The following RAD51B variants were observed in gnomAD, a reference collection of about 807,000 sequenced individuals.
RAD51B encodes DNA repair protein RAD51 homolog 2.
Under a neutral mutation model 42.2 loss-of-function variants are expected in RAD51B, and 38 were observed. The observed-to-expected ratio is 0.90, with a 90% confidence interval of 0.70 to 1.18. The LOEUF is 1.18. Ranked by LOEUF, RAD51B falls within the 50% of genes most tolerant of loss-of-function variation. The pLI is 0.00. For synonymous variants in RAD51B, 154 were observed against 145.2 expected (o/e 1.06, Z -0.43); for missense variants, 373 against 400.7 (o/e 0.93, Z 0.59).
At chr14:68,042,217 T>G (rs2076229304) in intron 7 of RAD51B, among the ~76,000 whole-genome samples, 1 of 152,174 alleles carries the variant, frequency 6.6e-6, no homozygotes, top group African/African-American at 2.4e-5. Context: ...GTTTATTCAG[T>G]CTCCAAGATG....
intron 7 of RAD51B, among the ~76,000 whole-genome samples, chr14:67,995,568 C>CG (rs570760176): frequency 3.9e-5 from 6 of 152,106 alleles, no homozygotes; most frequent in African/African-American, 1.4e-4. Context: ...TTTTTTCCCC[C>CG]CTCTGAATAC....
chr14:68,264,651 C>T (rs2080953951), intron 7 of RAD51B, among the ~76,000 whole-genome samples: 1 of 152,026 alleles, frequency 6.6e-6, no homozygotes, highest in South Asian at 2.1e-4. Context: ...TTTATGGAGC[C>T]TTGAGATAGT....
chr14:68,066,195 G>A (rs1023832842), intron 7 of RAD51B, among the ~76,000 whole-genome samples: 5 of 151,748 alleles, frequency 3.3e-5, no homozygotes, highest in South Asian at 2.1e-4. Context: ...AAACACTTAC[G>A]TTGTAATAGT....
intron 4 of RAD51B, among the ~76,000 whole-genome samples, chr14:67,840,295 T>C (rs150268576): frequency 2.9e-3 from 449 of 152,270 alleles, no homozygotes; most frequent in Middle Eastern, 0.01. Context: ...TCTTCCTCCT[T>C]CTAATAATCT....
chr14:68,419,891 A>G (rs1315939400), intron 9 of RAD51B, among the ~76,000 whole-genome samples: 1 of 152,188 alleles, frequency 6.6e-6, no homozygotes, highest in East Asian at 1.9e-4. Context: ...CCCATAGTTG[A>G]TAATGGACAA....
At chr14:68,656,222 C>A (rs1467767748) in intron 11 of RAD51B, among the ~76,000 whole-genome samples, 1 of 152,180 alleles carries the variant, frequency 6.6e-6, no homozygotes, top group Admixed American at 6.5e-5. Context: ...TGGCAGCAGG[C>A]AGCCTCCTCC....
chr14:68,501,543 T>C (rs936550500), intron 10 of RAD51B, among the ~76,000 whole-genome samples: 9 of 152,134 alleles, frequency 5.9e-5, no homozygotes, highest in African/African-American at 1.7e-4. Flanking sequence ...TTACACACCA[T>C]GGGGGGCTGG....
At chr14:68,109,223 G>C (rs1379656933) in intron 7 of RAD51B, among the ~76,000 whole-genome samples, 1 of 151,846 alleles carries the variant, frequency 6.6e-6, no homozygotes, top group Non-Finnish European at 1.5e-5. Context: ...GTGCTCCCTG[G>C]CCAGAGCGTA....
intron 8 of RAD51B, among the ~76,000 whole-genome samples, chr14:68,372,511 A>G (rs1163171970): frequency 6.6e-6 from 1 of 152,212 alleles, no homozygotes; most frequent in Non-Finnish European, 1.5e-5. Flanking sequence ...TGCTCGTCCA[A>G]GTGTATGGGC....
chr14:67,902,477 C>T (rs1360139155), intron 7 of RAD51B, among the ~76,000 whole-genome samples: 1 of 152,112 alleles, frequency 6.6e-6, no homozygotes, highest in Non-Finnish European at 1.5e-5. Context: ...GCACTTAACT[C>T]AATTTGTTCA....
At chr14:68,442,122 T>C (rs1285236159) in intron 9 of RAD51B, among the ~76,000 whole-genome samples, 3 of 152,140 alleles carry the variant, frequency 2.0e-5, no homozygotes, top group Non-Finnish European at 2.9e-5. Flanking sequence ...AAGTCTGAGA[T>C]CCATGGCCAG....
chr14:68,309,934 A>C (rs1480329828), intron 8 of RAD51B, among the ~76,000 whole-genome samples: 2 of 152,218 alleles, frequency 1.3e-5, no homozygotes, highest in African/African-American at 4.8e-5. Context: ...TTATATATGG[A>C]ATATTCTTAG....
Position 67,959,271 on chromosome 14 carries a change from G to A in RAD51B, c.756+72067G>A, listed in dbSNP as rs1285317753. 2.0e-5 allele frequency among the ~76,000 whole-genome samples: 3 copies of A among 151,234 alleles called. No individual in the cohort carries two copies. The East Asian group carries it at 5.8e-4, about 29-fold the overall frequency. On this transcript the variant is annotated intron_variant, in intron 7 of 10. Coordinates refer to ENST00000471583, the MANE Select transcript of RAD51B (RefSeq NM_133510.4). ...TCAATATTTTTTTTTTTTTGAGACA[G>A]AGTCTTGCTCTGTTGCCCAGGCTGG...
At chr14:68,362,159 A>T (rs997043799) in intron 8 of RAD51B, among the ~76,000 whole-genome samples, 1 of 152,208 alleles carries the variant, frequency 6.6e-6, no homozygotes, top group Non-Finnish European at 1.5e-5. Context: ...AGAATTAAAT[A>T]CATATAATAC....
chr14:68,174,186 T>C (rs1000917811), intron 7 of RAD51B, among the ~76,000 whole-genome samples: 5 of 152,138 alleles, frequency 3.3e-5, no homozygotes, highest in African/African-American at 1.2e-4. Flanking sequence ...AGTTCCACTT[T>C]CTGGTAGATT....
At chr14:67,942,268 GA>G (rs2045235747) in intron 7 of RAD51B, among the ~76,000 whole-genome samples, 1 of 152,146 alleles carries the variant, frequency 6.6e-6, no homozygotes, top group Non-Finnish European at 1.5e-5. Context: ...TGATTTCTCT[GA>G]ACTTTCCTTT....
At chr14:67,981,171 C>T (rs2075085590) in intron 7 of RAD51B, among the ~76,000 whole-genome samples, 2 of 151,946 alleles carry the variant, frequency 1.3e-5, no homozygotes, top group South Asian at 2.1e-4. Flanking sequence ...CATGAAAAGC[C>T]CAATGTCATT....
At chr14:68,542,524 G>A (rs1000045833) in intron 10 of RAD51B, among the ~76,000 whole-genome samples, 1 of 152,146 alleles carries the variant, frequency 6.6e-6, no homozygotes, top group Non-Finnish European at 1.5e-5. Context: ...GTCATTGAAA[G>A]CCCCAGGGGA....
At chr14:67,828,970 C>T (rs1175819386) in intron 3 of RAD51B, among the ~76,000 whole-genome samples, 2 of 151,978 alleles carry the variant, frequency 1.3e-5, no homozygotes, top group East Asian at 3.9e-4. Flanking sequence ...TATACAGGCT[C>T]CTTTTTGGTT....
Sources: allele counts gnomAD v4.1 joint callset (sites outside exome capture counted in the v4.1 genomes callset), GRCh38; gene constraint gnomAD v4.1.1; transcripts MANE v1.5; gene names NCBI Gene and HGNC (gene_info 2026-07-23, HGNC 2026-07-21).